Variants in ROR2 observed in about 807,000 individuals in gnomAD.
The protein encoded by ROR2 is tyrosine-protein kinase transmembrane receptor ROR2.
ROR2 carries 33 observed loss-of-function variants against 74.9 expected under a neutral mutation model. The observed-to-expected ratio is 0.44, with a 90% confidence interval of 0.33 to 0.59. The LOEUF (loss-of-function observed/expected upper bound fraction) is 0.59. Among genes scored for constraint, ROR2 ranks in the 20% least tolerant of loss-of-function variants. ROR2 has a pLI of 0.02. For missense variants in ROR2, 1,216 were observed against 1,313.8 expected (o/e 0.93, Z 1.15); for synonymous variants, 586 against 558.7 (o/e 1.05, Z -0.69).
chr9:91,782,013 G>A (rs971279346), intron 1 of ROR2, among the ~76,000 whole-genome samples: 11 of 152,226 alleles, frequency 7.2e-5, no homozygotes, highest in Admixed American at 2.6e-4. Flanking sequence ...AAGGGGGAGA[G>A]AGGCCACTCA....
chr9:91,787,727 C>T (rs1050973654), intron 1 of ROR2, among the ~76,000 whole-genome samples: 1 of 152,008 alleles, frequency 6.6e-6, no homozygotes, highest in African/African-American at 2.4e-5. Flanking sequence ...TGATTTGCTA[C>T]CTGAATTGTC....
At chr9:91,941,814 A>C (rs1332413332) in intron 1 of ROR2, among the ~76,000 whole-genome samples, 1 of 143,814 alleles carries the variant, frequency 7.0e-6, no homozygotes, top group Admixed American at 7.3e-5. Context: ...TTTTTGAGAC[A>C]GGGTGTTGCT....
At chr9:91,808,341 T>G (rs1287671665) in intron 1 of ROR2, among the ~76,000 whole-genome samples, 1 of 152,220 alleles carries the variant, frequency 6.6e-6, no homozygotes, top group East Asian at 1.9e-4. Context: ...TCAATTAAAA[T>G]CTTCATAAAT....
chr9:91,759,223 C>T (rs1470237907), intron 2 of ROR2, among the ~76,000 whole-genome samples: 1 of 151,044 alleles, frequency 6.6e-6, no homozygotes, highest in Non-Finnish European at 1.5e-5. Flanking sequence ...GTGGGGGAAG[C>T]CAGGCGGTGG....
chr9:91,939,189 G>C (rs577337997), intron 1 of ROR2, among the ~76,000 whole-genome samples: 3 of 151,970 alleles, frequency 2.0e-5, no homozygotes, highest in African/African-American at 7.2e-5. Context: ...GGCAGAGGTT[G>C]CAGTGAGCCA....
At chr9:91,790,789 G>T (rs1041321281) in intron 1 of ROR2, among the ~76,000 whole-genome samples, 1 of 152,206 alleles carries the variant, frequency 6.6e-6, no homozygotes, top group Non-Finnish European at 1.5e-5. Flanking sequence ...GTGGACGACA[G>T]TGATATGGAT....
At chr9:91,750,811 GAATCTGAA>G (rs149405865) in intron 4 of ROR2, among the ~76,000 whole-genome samples, 2,717 of 152,234 alleles carry the variant, frequency 0.018, 33 homozygotes, top group Non-Finnish European at 0.029. Context: ...TGCAAATATG[GAATCTGAA>G]AATAATGAGG....
intron 4 of ROR2, among the ~76,000 whole-genome samples, chr9:91,741,097 C>T (rs973143390): frequency 2.0e-5 from 3 of 151,962 alleles, no homozygotes; most frequent in South Asian, 4.2e-4. Context: ...GTCAGGCGAT[C>T]GAGACCATCC....
Position 91,806,668 on chromosome 9 carries a change from C to T in ROR2, c.98-30850G>A, listed in dbSNP as rs531985681. 3.9e-5 allele frequency among the ~76,000 whole-genome samples: 6 copies of T among 152,346 alleles called. No individual in the cohort carries two copies. The South Asian group carries it at 1.0e-3, about 26-fold the overall frequency. Reference sequence around the variant, plus strand: ...GCAGTGGCACGATCTCAGCTTACTACAAGCTCTGCCTCCCGGGTTCACGCC... The same window carrying T: ...GCAGTGGCACGATCTCAGCTTACTATAAGCTCTGCCTCCCGGGTTCACGCC... On this transcript the variant is annotated intron_variant, in intron 1 of 8. Coordinates refer to ENST00000375708, the MANE Select transcript of ROR2 (RefSeq NM_004560.4).
intron 1 of ROR2, among the ~76,000 whole-genome samples, chr9:91,869,049 G>A (rs74651754): frequency 0.12 from 17,495 of 152,050 alleles, 2,200 homozygotes; most frequent in African/African-American, 0.32. Context: ...AAACCTACAC[G>A]TGAATATATT....
intron 1 of ROR2, among the ~76,000 whole-genome samples, chr9:91,924,949 A>G (rs1831359635): frequency 6.6e-6 from 1 of 151,988 alleles, no homozygotes; most frequent in Non-Finnish European, 1.5e-5. Flanking sequence ...GGCTCAAGCA[A>G]TCCTCTCACT....
At chr9:91,942,635 T>C (rs1831904907) in intron 1 of ROR2, among the ~76,000 whole-genome samples, 1 of 152,024 alleles carries the variant, frequency 6.6e-6, no homozygotes, top group Non-Finnish European at 1.5e-5. Context: ...GCTCAGAAAG[T>C]GACCTTATTT....
chr9:91,814,271 G>T (rs1827850149), intron 1 of ROR2, among the ~76,000 whole-genome samples: 1 of 152,166 alleles, frequency 6.6e-6, no homozygotes, highest in African/African-American at 2.4e-5. Context: ...ATCTATTTTT[G>T]ATCGTGGAAG....
intron 1 of ROR2, among the ~76,000 whole-genome samples, chr9:91,921,432 G>A (rs10820916): frequency 0.19 from 28,188 of 152,264 alleles, 2,905 homozygotes; most frequent in Admixed American, 0.26. Context: ...TGCAGAGGCT[G>A]TGGAAATCCC....
intron 2 of ROR2, among the ~76,000 whole-genome samples, chr9:91,765,035 C>T (rs1174552605): frequency 3.3e-5 from 5 of 152,084 alleles, no homozygotes; most frequent in Non-Finnish European, 7.4e-5. Flanking sequence ...TTATTTTAGC[C>T]TCCTCAGGTC....
intron 4 of ROR2, among the ~76,000 whole-genome samples, chr9:91,743,555 A>G (rs928367249): frequency 5.3e-5 from 8 of 152,090 alleles, no homozygotes; most frequent in Admixed American, 2.0e-4. Context: ...TGGGTGACAG[A>G]GTAGGACTCC....
chr9:91,828,057 A>T (rs1434138765), intron 1 of ROR2, among the ~76,000 whole-genome samples: 2 of 152,264 alleles, frequency 1.3e-5, no homozygotes, highest in African/African-American at 4.8e-5. Flanking sequence ...TTTGTCCAGC[A>T]TCCCTGAAAA....
At chr9:91,732,125 T>A (rs1007495718) in intron 6 of ROR2, among the ~76,000 whole-genome samples, 5 of 152,100 alleles carry the variant, frequency 3.3e-5, no homozygotes, top group African/African-American at 1.2e-4. Flanking sequence ...GTCCTGGCCA[T>A]TCCTGGACCC....
At position 91,733,489 on chromosome 9, in the gene ROR2, C is replaced by A; in HGVS notation, c.623-53G>T. 1 of 1,557,218 alleles carries A rather than the reference C, an allele frequency of 6.4e-7. No homozygotes were observed. Among genetic ancestry groups the A allele is most frequent in the Non-Finnish European group, 8.7e-7 (1 of 1,153,430 alleles). ...CGGGGGACCCACCTTGCGCCCTTGA[C>A]ATTCATCCAGTCCCCACCCCCAGCC... On this transcript the variant is annotated intron_variant, in intron 5 of 8. Coordinates refer to ENST00000375708, the MANE Select transcript of ROR2 (RefSeq NM_004560.4). The surrounding 1 kb of genome is among the most constrained non-coding windows in gnomAD (Gnocchi z 5.7).
Sources: gnomAD v4.1 joint callset for allele counts (sites outside exome capture counted in the v4.1 genomes callset) on GRCh38, gnomAD v4.1.1 for gene constraint, Gnocchi (gnomAD v3.1) non-coding constraint, MANE v1.5 for transcripts, NCBI Gene and HGNC (gene_info 2026-07-23, HGNC 2026-07-21) for gene names.